PDGFD: variants seen among roughly 807,000 people sequenced by gnomAD.
PDGFD encodes the protein platelet-derived growth factor D.
In PDGFD, 30 loss-of-function variants were observed where a neutral mutation model predicts 44.7. That is an observed-to-expected ratio of 0.67 (90% confidence interval 0.50 to 0.91). The LOEUF is 0.91. Among genes scored for constraint, PDGFD ranks in the 40% least tolerant of loss-of-function variants. The probability of loss-of-function intolerance (pLI) is 0.00; values close to 1 mark genes in which losing one functional copy is unlikely to be tolerated. For missense variants in PDGFD, 445 were observed against 457.8 expected, an observed-to-expected ratio of 0.97 and a Z score of 0.25; for synonymous variants, 173 against 168.4, an observed-to-expected ratio of 1.03 and a Z score of -0.21.
chr11:103,961,039 A>T (rs965436870), intron 3 of PDGFD, among the ~76,000 whole-genome samples: 1 of 152,188 alleles, frequency 6.6e-6, no homozygotes, highest in Non-Finnish European at 1.5e-5. Flanking sequence ...ATAGCATCTT[A>T]TTCACTTATT....
At chr11:104,108,404 C>A (rs916088789) in intron 1 of PDGFD, among the ~76,000 whole-genome samples, 41 of 151,980 alleles carry the variant, frequency 2.7e-4, no homozygotes, top group East Asian at 1.4e-3. Context: ...ATGAACAGAC[C>A]CTTCTCAAAA....
chr11:104,094,425 T>C (rs572644979), intron 1 of PDGFD, among the ~76,000 whole-genome samples: 1 of 152,238 alleles, frequency 6.6e-6, no homozygotes, highest in South Asian at 2.1e-4. Flanking sequence ...TGCCAAAATG[T>C]ATATCTGAGC....
At chr11:103,988,786 T>C (rs1286872382) in intron 3 of PDGFD, among the ~76,000 whole-genome samples, 1 of 152,214 alleles carries the variant, frequency 6.6e-6, no homozygotes, top group Non-Finnish European at 1.5e-5. Flanking sequence ...CTAACCTGTG[T>C]TTATTGAATC....
chr11:103,931,537 C>G (rs1858398928), intron 5 of PDGFD, among the ~76,000 whole-genome samples: 1 of 152,130 alleles, frequency 6.6e-6, no homozygotes, highest in East Asian at 1.9e-4. Flanking sequence ...TCAGAGAATC[C>G]AATTAAACTG....
chr11:103,938,830 G>T (rs1858534716), intron 5 of PDGFD, among the ~76,000 whole-genome samples: 1 of 152,122 alleles, frequency 6.6e-6, no homozygotes, highest in Non-Finnish European at 1.5e-5. Flanking sequence ...CCCATTGCTT[G>T]TTTTTCTCAG....
intron 5 of PDGFD, among the ~76,000 whole-genome samples, chr11:103,940,896 C>T (rs1206754654): frequency 6.6e-6 from 1 of 152,118 alleles, no homozygotes; most frequent in African/African-American, 2.4e-5. Context: ...ACCTTGAATG[C>T]TCTTGCAAGG....
intron 1 of PDGFD, among the ~76,000 whole-genome samples, chr11:104,022,808 T>C (rs1005806351): frequency 3.9e-5 from 6 of 152,044 alleles, no homozygotes; most frequent in African/African-American, 1.4e-4. Context: ...CATAGATATA[T>C]ATGTATATAC....
intron 3 of PDGFD, among the ~76,000 whole-genome samples, chr11:103,969,474 G>GTTTTTT (rs66571550): frequency 3.3e-4 from 30 of 89,790 alleles, no homozygotes; most frequent in East Asian, 8.0e-4. Flanking sequence ...ACCAAGCCTG[G>GTTTTTT]TTTTTTTTTT....
intron 3 of PDGFD, among the ~76,000 whole-genome samples, chr11:103,990,922 G>T (rs1053508473): frequency 7.9e-5 from 12 of 152,180 alleles, no homozygotes; most frequent in African/African-American, 2.9e-4. Context: ...GGCGGATCAA[G>T]AGGTCAGGAG....
chr11:104,106,277 A>C (rs991921198), intron 1 of PDGFD, among the ~76,000 whole-genome samples: 3 of 152,156 alleles, frequency 2.0e-5, no homozygotes, highest in Non-Finnish European at 4.4e-5. Flanking sequence ...TCATGAACCC[A>C]CTAATTGATA....
At chr11:104,154,355 T>A (rs961995467) in intron 1 of PDGFD, among the ~76,000 whole-genome samples, 1 of 152,172 alleles carries the variant, frequency 6.6e-6, no homozygotes, top group Admixed American at 6.6e-5. Flanking sequence ...TCTATCACCA[T>A]TTGAAATTTG....
At chr11:104,109,551 T>C (rs1861521659) in intron 1 of PDGFD, among the ~76,000 whole-genome samples, 2 of 152,310 alleles carry the variant, frequency 1.3e-5, no homozygotes, top group Non-Finnish European at 1.5e-5. Context: ...TACTTCTAGG[T>C]GTATCTGTTA....
intron 2 of PDGFD, among the ~76,000 whole-genome samples, chr11:103,997,912 T>C (rs957932025): frequency 1.3e-5 from 2 of 152,126 alleles, no homozygotes; most frequent in Non-Finnish European, 1.5e-5. Flanking sequence ...TCCTCTTTTC[T>C]ACCTGCTATA....
At chr11:104,035,356 G>A (rs1204186679) in intron 1 of PDGFD, among the ~76,000 whole-genome samples, 1 of 152,002 alleles carries the variant, frequency 6.6e-6, no homozygotes, top group Non-Finnish European at 1.5e-5. Flanking sequence ...ATTCTCTACT[G>A]CTTTGGCTTT....
chr11:104,139,328 G>A (rs1348943583), intron 1 of PDGFD, among the ~76,000 whole-genome samples: 1 of 152,072 alleles, frequency 6.6e-6, no homozygotes, highest in Admixed American at 6.5e-5. Flanking sequence ...ATAATACATG[G>A]AGGCTGCCGG....
rs774731692 is a variant in PDGFD at position 104,037,487 on chromosome 11, A to G, written c.125-37232T>C. Reference sequence around the variant, plus strand: ...ATAGAAGAGGAAATCCGGCAGCAAAACATTGAAGAAAACATGAATATAGCG... The same window carrying G: ...ATAGAAGAGGAAATCCGGCAGCAAAGCATTGAAGAAAACATGAATATAGCG... On this transcript the variant is annotated intron_variant, in intron 1 of 6. Coordinates refer to ENST00000393158, the MANE Select transcript of PDGFD (RefSeq NM_025208.5). 4 of 1,614,142 alleles carry G rather than the reference A, an allele frequency of 2.5e-6. No individual in the cohort carries two copies. In the East Asian group the frequency reaches 8.9e-5, roughly 36 times the overall value.
intron 1 of PDGFD, among the ~76,000 whole-genome samples, chr11:104,078,683 A>G (rs918017872): frequency 6.6e-6 from 1 of 152,250 alleles, no homozygotes; most frequent in African/African-American, 2.4e-5. Context: ...GCCAGTCAGT[A>G]TGAAATTCCT....
rs1247040765 is a variant in PDGFD, at chr11:104,119,553, G to A, written c.124+44251C>T. 4.5e-5 allele frequency among the ~76,000 whole-genome samples: 2 copies of A among 44,228 alleles called. 1 individual carries two copies. The highest frequency in any genetic ancestry group is 1.9e-4 in the African/African-American group (2 of 10,522). 29.0% of individuals were successfully genotyped at this position (44,228 alleles called of 152,430 possible). ...GATATAATATATAATATAATATATT[G>A]ATATAATATATAATATATTAATATA... On this transcript the variant is annotated intron_variant, in intron 1 of 6. Coordinates refer to ENST00000393158, the MANE Select transcript of PDGFD (RefSeq NM_025208.5).
intron 1 of PDGFD, among the ~76,000 whole-genome samples, chr11:104,144,196 T>C (rs1862127559): frequency 6.6e-6 from 1 of 152,110 alleles, no homozygotes; most frequent in Admixed American, 6.5e-5. Context: ...AGAATCTCAA[T>C]TCTTATCAAC....
Sources: gnomAD v4.1 joint callset for allele counts (sites outside exome capture counted in the v4.1 genomes callset) on GRCh38, gnomAD v4.1.1 for gene constraint, MANE v1.5 for transcripts, NCBI Gene and HGNC (gene_info 2026-07-23, HGNC 2026-07-21) for gene names.